AQP7B: variants seen among roughly 807,000 people sequenced by gnomAD.
AQP7B encodes aquaporin 7B.
At chr2:94,604,249 C>G in the AQP7B span, 1 of 1,550,646 alleles carries the variant, frequency 6.4e-7, no homozygotes, top group Non-Finnish European at 8.7e-7. Flanking sequence ...CTGTCCTGGG[C>G]ATCAGCCCCC....
At chr2:94,595,365 G>A in the AQP7B span, among the ~76,000 whole-genome samples, 1 of 152,100 alleles carries the variant, frequency 6.6e-6, no homozygotes, top group African/African-American at 2.4e-5. Context: ...AGCCCAGGAG[G>A]TGGAGGTTGC....
chr2:94,588,683 A>T, the AQP7B span: 124 of 627,660 alleles, frequency 2.0e-4, 1 homozygote, highest in East Asian at 3.6e-3. Context: ...CCACCCACCC[A>T]CTCACCTCTG....
the AQP7B span, chr2:94,588,389 C>T: frequency 3.2e-6 from 2 of 618,144 alleles, no homozygotes; most frequent in Admixed American, 5.4e-5. Context: ...GGGAGTGGCA[C>T]TAGCAGGAGC....
the AQP7B span, among the ~76,000 whole-genome samples, chr2:94,600,319 A>G: frequency 1.3e-5 from 2 of 152,234 alleles, no homozygotes; most frequent in African/African-American, 4.8e-5. Flanking sequence ...AACCATCTGT[A>G]TAATTTAAAT....
chr2:94,602,614 T>C, the AQP7B span: 23 of 1,593,724 alleles, frequency 1.4e-5, 1 homozygote, highest in South Asian at 2.4e-4. Context: ...GCCGCATCTC[T>C]GGTGAGTGAG....
chr2:94,592,515 A>T, the AQP7B span, among the ~76,000 whole-genome samples: 5 of 152,126 alleles, frequency 3.3e-5, no homozygotes, highest in African/African-American at 1.2e-4. Context: ...GGATCTCATT[A>T]TCCCATGACC....
At chr2:94,602,009 T>C in the AQP7B span, among the ~76,000 whole-genome samples, 1 of 141,666 alleles carries the variant, frequency 7.1e-6, no homozygotes, top group Non-Finnish European at 1.5e-5. Context: ...ATTGTGGGAA[T>C]TGCGGCGGAG....
chr2:94,589,694 T>C, the AQP7B span, among the ~76,000 whole-genome samples: 1 of 152,060 alleles, frequency 6.6e-6, no homozygotes, highest in African/African-American at 2.4e-5. Context: ...TACGTCTCTT[T>C]CCAGGGCTTT....
chr2:94,595,110 G>A, the AQP7B span, among the ~76,000 whole-genome samples: 4 of 152,274 alleles, frequency 2.6e-5, no homozygotes, highest in East Asian at 5.8e-4. Context: ...GGGCACGGCT[G>A]GAAATGGGGA....
chr2:94,604,550 T>C, the AQP7B span: 3 of 1,605,624 alleles, frequency 1.9e-6, no homozygotes, highest in Non-Finnish European at 2.6e-6. Context: ...CTTACATGAA[T>C]CCATGGCCCT....
At chr2:94,601,656 G>A in the AQP7B span, among the ~76,000 whole-genome samples, 1 of 152,156 alleles carries the variant, frequency 6.6e-6, no homozygotes, top group African/African-American at 2.4e-5. Flanking sequence ...GAAACAGGGA[G>A]GGGGCAACCA....
chr2:94,596,449 G>A, the AQP7B span, among the ~76,000 whole-genome samples: 1 of 152,220 alleles, frequency 6.6e-6, no homozygotes, highest in Non-Finnish European at 1.5e-5. Context: ...GGGTGACAGA[G>A]GCTGTTTGTG....
the AQP7B span, among the ~76,000 whole-genome samples, chr2:94,589,517 C>A: frequency 6.6e-6 from 1 of 152,234 alleles, no homozygotes; most frequent in East Asian, 1.9e-4. Flanking sequence ...ATTCCCCTCT[C>A]CTTGCTCTGT....
chr2:94,589,990 C>T, the AQP7B span, among the ~76,000 whole-genome samples: 1 of 152,186 alleles, frequency 6.6e-6, no homozygotes, highest in Admixed American at 6.5e-5. Context: ...GTCAGGCCAC[C>T]ACCCGCCCAT....
At chr2:94,588,502 A>T in the AQP7B span, 1 of 715,584 alleles carries the variant, frequency 1.4e-6, no homozygotes, top group South Asian at 1.7e-5. Context: ...CTCAGCATCT[A>T]CAAATCTGAA....
the AQP7B span, among the ~76,000 whole-genome samples, chr2:94,589,652 G>C: frequency 6.6e-6 from 1 of 152,104 alleles, no homozygotes; most frequent in Non-Finnish European, 1.5e-5. Context: ...AGAATGAATA[G>C]TGCCCCTCTG....
the AQP7B span, among the ~76,000 whole-genome samples, chr2:94,601,356 A>T: frequency 3.9e-5 from 6 of 152,228 alleles, no homozygotes; most frequent in Admixed American, 3.9e-4. Flanking sequence ...CAAACCTTCA[A>T]CAGAGCCTGA....
chr2:94,600,001 C>T, the AQP7B span, among the ~76,000 whole-genome samples: 9 of 152,060 alleles, frequency 5.9e-5, no homozygotes, highest in East Asian at 1.7e-3. Flanking sequence ...GTCTCAGCCT[C>T]CTGAGTAGCT....
chr2:94,602,523 T>C, the AQP7B span: 2 of 1,604,668 alleles, frequency 1.2e-6, no homozygotes, highest in Non-Finnish European at 1.7e-6. Context: ...GCCCATATGG[T>C]TCTAAATAAA....
Sources: allele counts gnomAD v4.1 joint callset (sites outside exome capture counted in the v4.1 genomes callset), GRCh38; gene constraint gnomAD v4.1.1; transcripts MANE v1.5; gene names NCBI Gene and HGNC (gene_info 2026-07-23, HGNC 2026-07-21).